ARHGAP29: variants seen among roughly 807,000 people sequenced by gnomAD.
ARHGAP29 encodes the protein Rho GTPase activating protein 29.
In ARHGAP29, 43 loss-of-function variants were observed where a neutral mutation model predicts 122.6. The ratio of observed to expected loss-of-function variants is 0.35; its 90% CI spans 0.27 to 0.45. ARHGAP29 has a LOEUF of 0.45. ARHGAP29 is among the 20% of genes least tolerant of loss of function. ARHGAP29 has a pLI of 1.00. For synonymous variants in ARHGAP29, 506 were observed against 497.1 expected (o/e 1.02, Z -0.24); for missense variants, 1,303 against 1,477.2 (o/e 0.88, Z 1.93).
intron 20 of ARHGAP29, among the ~76,000 whole-genome samples, chr1:94,178,517 A>G (rs1403789101): frequency 6.6e-6 from 1 of 152,058 alleles, no homozygotes; most frequent in African/African-American, 2.4e-5. Flanking sequence ...GTGTCTCACT[A>G]CCCATCTCCA....
intron 22 of ARHGAP29, 27 bp downstream of exon 22, chr1:94,177,585 A>G (rs376888858): frequency 5.8e-5 from 90 of 1,550,546 alleles, no homozygotes; most frequent in East Asian, 4.5e-5. Context: ...GCCAGCAAAC[A>G]TATTTTTTTT....
upstream of ARHGAP29, among the ~76,000 whole-genome samples, chr1:94,241,076 C>G (rs35493159): frequency 0.25 from 38,214 of 151,970 alleles, 4,935 homozygotes; most frequent in East Asian, 0.46. Context: ...ATAGGACTAC[C>G]CTCATCCCCA....
intron 1 of ARHGAP29, among the ~76,000 whole-genome samples, chr1:94,232,906 T>C (rs780199621): frequency 1.2e-3 from 188 of 151,636 alleles, no homozygotes; most frequent in Non-Finnish European, 2.4e-3. Flanking sequence ...AGGACTTCTA[T>C]AAAATTTACA....
chr1:94,312,434 CTT>C, the ARHGAP29 span, among the ~76,000 whole-genome samples: 37 of 119,492 alleles, frequency 3.1e-4, no homozygotes, highest in African/African-American at 4.5e-4. Flanking sequence ...CCCCCTCCTT[CTT>C]TTTTTTTTTT....
the ARHGAP29 span, among the ~76,000 whole-genome samples, chr1:94,296,160 C>T: frequency 1.3e-5 from 2 of 152,152 alleles, no homozygotes; most frequent in Non-Finnish European, 2.9e-5. Flanking sequence ...TTAAATTGTG[C>T]ACTATGCCAA....
chr1:94,233,301 A>G (rs1653042288), intron 1 of ARHGAP29, among the ~76,000 whole-genome samples: 1 of 152,050 alleles, frequency 6.6e-6, no homozygotes, highest in Non-Finnish European at 1.5e-5. Flanking sequence ...TGTAAGATAC[A>G]TTATTGTATC....
chr1:94,284,336 T>C, the ARHGAP29 span, among the ~76,000 whole-genome samples: 4 of 152,234 alleles, frequency 2.6e-5, no homozygotes, highest in Non-Finnish European at 5.9e-5. Context: ...TACCTTATTT[T>C]GCATCCTTAC....
chr1:94,284,171 A>T, the ARHGAP29 span, among the ~76,000 whole-genome samples: 1 of 151,936 alleles, frequency 6.6e-6, no homozygotes, highest in Non-Finnish European at 1.5e-5. Flanking sequence ...ATTCAAAGGA[A>T]GGGAGAACTA....
At chr1:94,200,324 T>A (rs1570525359) in intron 12 of ARHGAP29, among the ~76,000 whole-genome samples, 1 of 152,222 alleles carries the variant, frequency 6.6e-6, no homozygotes, top group East Asian at 1.9e-4. Flanking sequence ...TTAATCATTT[T>A]TAGAAACACA....
At chr1:94,254,158 C>G (rs1654230194) in intron 1 of ARHGAP29, among the ~76,000 whole-genome samples, 1 of 152,112 alleles carries the variant, frequency 6.6e-6, no homozygotes, top group African/African-American at 2.4e-5. Flanking sequence ...CTAGAAATGT[C>G]TATAGATGCT....
chr1:94,312,354 T>G, the ARHGAP29 span, among the ~76,000 whole-genome samples: 1 of 145,142 alleles, frequency 6.9e-6, no homozygotes, highest in Non-Finnish European at 1.5e-5. Flanking sequence ...CATTTTTATT[T>G]GTTTTTTTTT....
chr1:94,195,976 G>A (rs767353581), intron 12 of ARHGAP29: 1 of 152,082 alleles, frequency 6.6e-6, no homozygotes, highest in Non-Finnish European at 1.5e-5. Flanking sequence ...GTAAGCAACG[G>A]AGCTTCAAAA....
At chr1:94,279,009 T>C (rs987459217), upstream of ARHGAP29, among the ~76,000 whole-genome samples, 8 of 152,242 alleles carry the variant, frequency 5.3e-5, no homozygotes, top group African/African-American at 1.7e-4. Flanking sequence ...TTGATCAATT[T>C]ACCCTTGTGA....
the ARHGAP29 span, among the ~76,000 whole-genome samples, chr1:94,292,948 T>C: frequency 1.3e-5 from 2 of 152,202 alleles, no homozygotes; most frequent in South Asian, 2.1e-4. Flanking sequence ...CTGTCTGTTA[T>C]TGGACCTTGA....
At chr1:94,273,100 G>T (rs1655053520) in intron 1 of ARHGAP29, among the ~76,000 whole-genome samples, 1 of 152,154 alleles carries the variant, frequency 6.6e-6, no homozygotes, top group African/African-American at 2.4e-5. Context: ...CTCCTCAGAT[G>T]GATAGATGAG....
the ARHGAP29 span, among the ~76,000 whole-genome samples, chr1:94,309,952 A>G: frequency 6.6e-6 from 1 of 152,212 alleles, no homozygotes; most frequent in Non-Finnish European, 1.5e-5. Flanking sequence ...GCTCTCAGTA[A>G]ACATTTGTGG....
At chr1:94,189,022 C>T (rs1649975851) in intron 14 of ARHGAP29, 81 bp from the exon 15 acceptor site, 1 of 1,437,580 alleles carries the variant, frequency 7.0e-7, no homozygotes, top group Non-Finnish European at 9.6e-7. Flanking sequence ...TCAAGTGAGA[C>T]AATTCAAATT....
chr1:94,181,409 C>T (rs1015622776), intron 19 of ARHGAP29, among the ~76,000 whole-genome samples: 2 of 152,108 alleles, frequency 1.3e-5, no homozygotes, highest in East Asian at 1.9e-4. Context: ...AAAGGACAGA[C>T]GGGCAACTAT....
chr1:94,253,416 G>A (rs1388796093), intron 1 of ARHGAP29, among the ~76,000 whole-genome samples: 2 of 152,112 alleles, frequency 1.3e-5, no homozygotes, highest in Non-Finnish European at 2.9e-5. Context: ...TTAAATGAAA[G>A]CACTTGCCTT....
Sources: allele counts gnomAD v4.1 joint callset (sites outside exome capture counted in the v4.1 genomes callset), GRCh38; gene constraint gnomAD v4.1.1; transcripts MANE v1.5; gene names NCBI Gene and HGNC (gene_info 2026-07-23, HGNC 2026-07-21).